The following ULK4 variants were observed in gnomAD, a reference collection of about 807,000 sequenced individuals.
ULK4 encodes the protein inactive serine/threonine-protein kinase ULK4.
In ULK4, 133 loss-of-function variants were observed where a neutral mutation model predicts 160.6. That is an observed-to-expected ratio of 0.83 (90% CI 0.72 to 0.96). The LOEUF (loss-of-function observed/expected upper bound fraction) is 0.96. ULK4 is among the 40% of genes least tolerant of loss of function. ULK4 has a pLI of 0.00. For missense variants in ULK4, 1,580 were observed against 1,499.5 expected, an observed-to-expected ratio of 1.05 and a Z score of -0.89; for synonymous variants, 534 against 539.8, an observed-to-expected ratio of 0.99 and a Z score of 0.15.
chr3:41,702,233 C>T (rs2036699646), intron 27 of ULK4, among the ~76,000 whole-genome samples: 2 of 152,112 alleles, frequency 1.3e-5, no homozygotes, highest in African/African-American at 4.8e-5. Flanking sequence ...GAACCTCCAC[C>T]TCCCAGATTC....
At chr3:41,822,355 T>A (rs561962405) in intron 18 of ULK4, among the ~76,000 whole-genome samples, 1 of 152,230 alleles carries the variant, frequency 6.6e-6, no homozygotes, top group Non-Finnish European at 1.5e-5. Flanking sequence ...TCTTCCTTAA[T>A]AGTGCTTAGT....
chr3:41,917,236 GC>G (rs1250701584), intron 7 of ULK4, among the ~76,000 whole-genome samples: 1 of 152,094 alleles, frequency 6.6e-6, no homozygotes, highest in Admixed American at 6.6e-5. Context: ...ACACATTGTG[GC>G]TCATACTTGA....
Position 41,516,207 on chromosome 3 carries a change from G to A in ULK4, c.3226+49818C>T, listed in dbSNP as rs185725475. On this transcript the variant is annotated intron_variant, in intron 32 of 36. Transcript: ENST00000301831. ...ATTCGTTAGTATAGACAACAATTCTGAGAAAGTGAAATTTTACTAGACAAA... is the reference window on the plus strand; with the variant it reads ...ATTCGTTAGTATAGACAACAATTCTAAGAAAGTGAAATTTTACTAGACAAA... Among the ~76,000 whole-genome samples the A allele has an allele frequency of 7.2e-4, 109 of 152,238 alleles. No homozygotes were observed. In the East Asian group the frequency reaches 0.017, roughly 24 times the overall value.
chr3:41,912,317 A>C (rs1391264010), intron 9 of ULK4, among the ~76,000 whole-genome samples: 3 of 142,640 alleles, frequency 2.1e-5, no homozygotes, highest in Admixed American at 7.0e-5. Context: ...TGACAGAGTG[A>C]GACGTTGTCT....
chr3:41,916,162 T>C lies in ULK4; in HGVS notation c.728-110A>G, dbSNP rs1698960366. 6.0e-6 allele frequency: 4 copies of C among 663,254 alleles called. No homozygotes were observed. The South Asian group carries it at 7.0e-5, about 12-fold the overall frequency. The allele number at this position is 663,254 out of a possible 1,614,324, so 41.1% of individuals were successfully genotyped here. ...AGCAATAGTATTTTAAACACATACA[T>C]TATTATTAAGAGAACACTAAATCCA... On this transcript the variant is annotated intron_variant, in intron 7 of 36. Coordinates refer to ENST00000301831, the MANE Select transcript of ULK4 (RefSeq NM_017886.4).
chr3:41,720,249 T>C (rs1406969413), intron 22 of ULK4, among the ~76,000 whole-genome samples: 4 of 152,190 alleles, frequency 2.6e-5, no homozygotes, highest in Admixed American at 6.5e-5. Context: ...TTAACTCTAA[T>C]TAAGTGTTCA....
intron 29 of ULK4, among the ~76,000 whole-genome samples, chr3:41,674,834 A>G (rs2035655404): frequency 6.6e-6 from 1 of 152,218 alleles, no homozygotes; most frequent in African/African-American, 2.4e-5. Context: ...ATGAGACAGC[A>G]AAGATATGGG....
chr3:41,661,416 C>CA (rs2035156096), intron 30 of ULK4, among the ~76,000 whole-genome samples: 1 of 151,320 alleles, frequency 6.6e-6, no homozygotes, highest in South Asian at 2.1e-4. Flanking sequence ...CACATGTACA[C>CA]AGGTATATAC....
chr3:41,615,286 C>T (rs1317918045), intron 31 of ULK4, among the ~76,000 whole-genome samples: 9 of 152,186 alleles, frequency 5.9e-5, no homozygotes, highest in South Asian at 4.1e-4. Context: ...TACCCAGTAA[C>T]TGCAAAGTCA....
At chr3:41,448,395 A>T (rs546706289) in intron 34 of ULK4, among the ~76,000 whole-genome samples, 4 of 152,180 alleles carry the variant, frequency 2.6e-5, no homozygotes, top group Non-Finnish European at 5.9e-5. Context: ...ATGTTTAAAG[A>T]ACTGAAAAGA....
chr3:41,257,721 T>C (rs776687155), intron 35 of ULK4, among the ~76,000 whole-genome samples: 3 of 152,098 alleles, frequency 2.0e-5, no homozygotes, highest in Non-Finnish European at 4.4e-5. Context: ...TGAAAACTTA[T>C]GTCCACACAA....
intron 32 of ULK4, among the ~76,000 whole-genome samples, chr3:41,497,989 A>T (rs1425897606): frequency 6.6e-6 from 1 of 152,228 alleles, no homozygotes; most frequent in Non-Finnish European, 1.5e-5. Flanking sequence ...AGACAGAAAC[A>T]TTGAAAAAAG....
intron 1 of ULK4, among the ~76,000 whole-genome samples, chr3:41,961,742 CG>C (rs1287668747): frequency 6.6e-6 from 1 of 152,170 alleles, no homozygotes; most frequent in African/African-American, 2.4e-5. Flanking sequence ...TCTCCCAAGC[CG>C]AAACACACAA....
chr3:41,740,608 G>A (rs923770599), intron 22 of ULK4, among the ~76,000 whole-genome samples: 1 of 151,906 alleles, frequency 6.6e-6, no homozygotes, highest in Non-Finnish European at 1.5e-5. Context: ...TGACATCACA[G>A]AAAATGTGCT....
At chr3:41,863,351 C>A (rs944421121) in intron 17 of ULK4, among the ~76,000 whole-genome samples, 5 of 148,498 alleles carry the variant, frequency 3.4e-5, no homozygotes, top group Non-Finnish European at 7.4e-5. Flanking sequence ...ACAGTGGGCT[C>A]CCCCTCTGGC....
intron 27 of ULK4, among the ~76,000 whole-genome samples, chr3:41,703,658 C>CA (rs1174547731): frequency 2.0e-5 from 3 of 151,758 alleles, no homozygotes; most frequent in Non-Finnish European, 4.4e-5. Flanking sequence ...TTACAACAAT[C>CA]AAAGAACAAA....
At chr3:41,714,533 C>G (rs2037200007) in intron 25 of ULK4, among the ~76,000 whole-genome samples, 1 of 151,994 alleles carries the variant, frequency 6.6e-6, no homozygotes, top group African/African-American at 2.4e-5. Flanking sequence ...CTGTATTTCC[C>G]TCCTCATTTT....
At chr3:41,882,469 T>C (rs1697558985) in intron 17 of ULK4, among the ~76,000 whole-genome samples, 1 of 152,258 alleles carries the variant, frequency 6.6e-6, no homozygotes, top group Non-Finnish European at 1.5e-5. Flanking sequence ...GTGGCTACTA[T>C]ACTGGATAGT....
At position 41,367,088 on chromosome 3, in the gene ULK4, T is replaced by C. The variant is rs529155801; in HGVS notation, c.3678+30991A>G. ...TAGATATTTTTAAAGACCTGTTTCT[T>C]ACATTATCTTTGTTTTTTCCATGAC... is the stretch of plus-strand genomic sequence containing the variant. On this transcript the variant is annotated intron_variant, in intron 35 of 36. Transcript: ENST00000301831. Among the ~76,000 whole-genome samples the C allele has an allele frequency of 1.9e-4, 29 of 152,338 alleles. 1 individual carries two copies. In the South Asian group the frequency reaches 5.6e-3, roughly 29 times the overall value.
Sources: allele counts gnomAD v4.1 joint callset (sites outside exome capture counted in the v4.1 genomes callset), GRCh38; gene constraint gnomAD v4.1.1; transcripts MANE v1.5; gene names NCBI Gene and HGNC (gene_info 2026-07-23, HGNC 2026-07-21).